The following ATP7B variants were observed in gnomAD, a reference collection of about 807,000 sequenced individuals.
ATP7B encodes the protein copper-transporting ATPase 2.
A neutral mutation model predicts 118.9 loss-of-function variants in ATP7B; 113 were observed. That is an observed-to-expected ratio of 0.95 (90% CI 0.82 to 1.11). ATP7B has a LOEUF of 1.11. Ranked by LOEUF, ATP7B falls within the 50% of genes most tolerant of loss-of-function variation. The pLI, the probability that ATP7B is intolerant of heterozygous loss-of-function variation, is 0.00. For missense variants in ATP7B, 1,867 were observed against 1,871.4 expected (o/e 1.00, Z 0.04); for synonymous variants, 777 against 727.4 (o/e 1.07, Z -1.10).
chr13:51,947,076 GTTAA>G (rs755439163), intron 12 of ATP7B, among the ~76,000 whole-genome samples: 65 of 152,296 alleles, frequency 4.3e-4, no homozygotes, highest in South Asian at 8.3e-4. Flanking sequence ...TACGGAATTG[GTTAA>G]TTAAACTGTA....
chr13:51,991,194 C>T (rs1287749694), intron 1 of ATP7B, among the ~76,000 whole-genome samples: 1 of 152,148 alleles, frequency 6.6e-6, no homozygotes, highest in African/African-American at 2.4e-5. Context: ...ACCTTATAGT[C>T]ACCATCAGTT....
rs1488384048 is a variant in ATP7B at position 51,932,773 on chromosome 13, AG to A, written c.*1982del. The A allele has an allele frequency of 6.6e-6, 1 of 152,234 alleles. No individual in the cohort carries two copies. The highest frequency in any genetic ancestry group is 1.9e-4 in the East Asian group (1 of 5,200). 9.4% of individuals were successfully genotyped at this position (152,234 alleles called of 1,614,324 possible). A position where few individuals can be genotyped will look rare whatever the true frequency, so the allele number is the denominator to read the frequency against. On this transcript the variant is annotated 3_prime_UTR_variant, in exon 21 of 21. Coordinates refer to ENST00000242839, the MANE Select transcript of ATP7B (RefSeq NM_000053.4). The stretch of plus-strand genomic sequence containing the variant: ...ACTCCTTACACTTTGACCATCTAAA[AG>A]GTTATTTTCTATAAAATTATATAAA...
In ATP7B at chr13:51,958,312, T is replaced by C. The variant is rs1555291085; in HGVS notation, c.2354A>G (p.Lys785Arg). ...ALGRWLEHLA[K>R]SKTSEALAKL... ...TTCTGAACCTGAAGCTGCTGTTACC[T>C]TTGCCAAGTGTTCCAGCCACCGGCC... The change falls in exon 8 of 21, where the codon AAG becomes AGG. Residue 785 changes from lysine (K) to arginine (R), a missense_variant and splice_region_variant. Lys to Arg is a conservative substitution (Grantham distance 26). Coordinates refer to ENST00000242839, the MANE Select transcript of ATP7B (RefSeq NM_000053.4). The C allele has an allele frequency of 5.6e-6, 9 of 1,614,180 alleles. No individual in the cohort carries two copies. Among genetic ancestry groups the C allele is most frequent in the Non-Finnish European group, 7.6e-6 (9 of 1,179,994 alleles).
intron 1 of ATP7B, among the ~76,000 whole-genome samples, chr13:52,003,903 T>G (rs1045384951): frequency 6.6e-6 from 1 of 152,192 alleles, no homozygotes; most frequent in Non-Finnish European, 1.5e-5. Flanking sequence ...CTGGCCAAAG[T>G]TCTAGCCAAT....
chr13:52,001,304 T>G (rs75070223), intron 1 of ATP7B, among the ~76,000 whole-genome samples: 1 of 152,204 alleles, frequency 6.6e-6, no homozygotes, highest in East Asian at 1.9e-4. Context: ...AGTCACAAGA[T>G]GTCATTCCTC....
At chr13:51,973,891 G>A in intron 2 of ATP7B, 44 bp downstream of exon 2, 1 of 1,613,642 alleles carries the variant, frequency 6.2e-7, no homozygotes, top group African/African-American at 1.3e-5. Context: ...GACACAAAGA[G>A]AAAAGGAGAC....
upstream of ATP7B, chr13:52,012,008 T>C: frequency 2.9e-6 from 1 of 348,712 alleles, no homozygotes. Flanking sequence ...GCGGCAAGAG[T>C]GAACTCCGCA....
Position 51,949,720 on chromosome 13 carries a change from A to T in ATP7B, c.2807T>A (p.Leu936Ter), listed in dbSNP as rs776002066. 3 of 1,614,168 alleles carry T rather than the reference A, an allele frequency of 1.9e-6. No individual in the cohort carries two copies. The highest frequency in any genetic ancestry group is 2.2e-5 in the South Asian group (2 of 91,090). The change falls in exon 12 of 21, where the codon TTG becomes TAG. Residue 936 changes from leucine to a stop codon, truncating the protein, a stop_gained. Transcript: ENST00000242839. LOFTEE classifies it high-confidence loss of function. ...AAAACCGATTACAATCCATACCACCAACGTCAAAGTTGACATGATGATGAT... is the reference window on the plus strand; with the variant it reads ...AAAACCGATTACAATCCATACCACCTACGTCAAAGTTGACATGATGATGAT... ...PFIIIMSTLT[L>*]VVWIVIGFID...
rs193032207 is a variant in ATP7B at position 52,007,272 on chromosome 13, A to C, written c.51+4015T>G. Among the ~76,000 whole-genome samples the C allele has an allele frequency of 1.8e-3, 279 of 152,316 alleles. 1 individual carries two copies. Among genetic ancestry groups the C allele is most frequent in the Non-Finnish European group, 3.3e-3 (226 of 68,018 alleles). On this transcript the variant is annotated intron_variant, in intron 1 of 20. Coordinates refer to ENST00000242839, the MANE Select transcript of ATP7B (RefSeq NM_000053.4). Reference sequence around the variant, plus strand: ...AGGTGGTATGACCAAGTGTCAAGTAAGTTTTGACAATAAAAAATCGCTGAG... The same window carrying C: ...AGGTGGTATGACCAAGTGTCAAGTACGTTTTGACAATAAAAAATCGCTGAG...
intron 1 of ATP7B, among the ~76,000 whole-genome samples, chr13:51,985,631 A>G (rs1952617648): frequency 6.6e-6 from 1 of 152,218 alleles, no homozygotes; most frequent in Non-Finnish European, 1.5e-5. Flanking sequence ...TCAGCACCAC[A>G]TTGCAGTTAT....
intron 1 of ATP7B, among the ~76,000 whole-genome samples, chr13:51,991,660 A>T (rs1952920950): frequency 6.6e-6 from 1 of 152,144 alleles, no homozygotes; most frequent in African/African-American, 2.4e-5. Context: ...TGCCAAGACA[A>T]GTAGAGGAGA....
intron 7 of ATP7B, 35 bp downstream of exon 7, chr13:51,960,113 G>T (rs1403188564): frequency 6.3e-7 from 1 of 1,598,384 alleles, no homozygotes; most frequent in South Asian, 1.1e-5. Flanking sequence ...CACACAGCAT[G>T]GAAGGGAGAG....
At position 51,960,432 on chromosome 13, in the gene ATP7B, T is replaced by TG; in HGVS notation, c.1947-111dup. On this transcript the variant is annotated intron_variant, in intron 6 of 20. Coordinates refer to ENST00000242839, the MANE Select transcript of ATP7B (RefSeq NM_000053.4). Reference sequence around the variant, plus strand: ...TTAAGACCTGCCTTTGTCACATGTCTGGGACAGACCACCAGGGGTTAAAAT... The same window carrying TG: ...TTAAGACCTGCCTTTGTCACATGTCTGGGGACAGACCACCAGGGGTTAAAAT... The TG allele has an allele frequency of 7.4e-6, 10 of 1,342,798 alleles. No individual in the cohort carries two copies. In the South Asian group the frequency reaches 1.3e-4, roughly 17 times the overall value. 83.2% of individuals were successfully genotyped at this position (1,342,798 alleles called of 1,614,324 possible). A position where few individuals can be genotyped will look rare whatever the true frequency, so the allele number is the denominator to read the frequency against.
chr13:51,944,290 ATC>A lies in ATP7B; in HGVS notation c.3061-1_3061del. 1 of 1,613,826 alleles carries A rather than the reference ATC, an allele frequency of 6.2e-7. No homozygotes were observed. Among genetic ancestry groups the A allele is most frequent in the Non-Finnish European group, 8.5e-7 (1 of 1,179,988 alleles). On this transcript the variant is annotated splice_acceptor_variant and coding_sequence_variant, in exon 14 of 21. Coordinates refer to ENST00000242839, the MANE Select transcript of ATP7B (RefSeq NM_000053.4). LOFTEE classifies it high-confidence loss of function. Reference sequence around the variant, plus strand: ...AGTCTTGTCAAACATCACAGTCTTTATCTGCCAAAAACAACCACAACTCACTG... The same window carrying A: ...AGTCTTGTCAAACATCACAGTCTTTATGCCAAAAACAACCACAACTCACTG...
At chr13:51,942,322 G>A (rs898334248) in intron 15 of ATP7B, 64 bp downstream of exon 15, 1 of 1,606,514 alleles carries the variant, frequency 6.2e-7, no homozygotes, top group Non-Finnish European at 8.5e-7. Context: ...GCTGGGCGTG[G>A]TGCTCTCTGT....
chr13:51,943,681 G>C (rs372904009), intron 14 of ATP7B, among the ~76,000 whole-genome samples: 1 of 152,130 alleles, frequency 6.6e-6, no homozygotes, highest in South Asian at 2.1e-4. Flanking sequence ...CACCTCTGCT[G>C]GTTCCTCTCT....
At chr13:52,011,563 C>T, upstream of ATP7B, 1 of 631,088 alleles carries the variant, frequency 1.6e-6, no homozygotes, top group Non-Finnish European at 2.9e-6. Flanking sequence ...TTGCGCGCCG[C>T]CGTCCTCCCG....
chr13:51,947,033 G>GT (rs1490502541), intron 12 of ATP7B, among the ~76,000 whole-genome samples: 2 of 152,082 alleles, frequency 1.3e-5, no homozygotes, highest in Non-Finnish European at 2.9e-5. Context: ...GTTTTGTTTT[G>GT]TTTTTGTAAT....
chr13:52,005,674 C>G (rs981174168), intron 1 of ATP7B, among the ~76,000 whole-genome samples: 1 of 152,216 alleles, frequency 6.6e-6, no homozygotes, highest in Non-Finnish European at 1.5e-5. Flanking sequence ...TTATCACTAT[C>G]TAGGCTTTTT....
Sources: allele counts gnomAD v4.1 joint callset (sites outside exome capture counted in the v4.1 genomes callset), GRCh38; gene constraint gnomAD v4.1.1; transcripts MANE v1.5; gene names NCBI Gene and HGNC (gene_info 2026-07-23, HGNC 2026-07-21).